The following RELN variants were observed in gnomAD, a reference collection of about 807,000 sequenced individuals.
The protein encoded by RELN is reelin.
In RELN, 108 loss-of-function variants were observed where a neutral mutation model predicts 427.6. The observed-to-expected ratio is 0.25, with a 90% CI of 0.22 to 0.30. The LOEUF (loss-of-function observed/expected upper bound fraction) is 0.30, where lower values mean the gene tolerates loss of function less well. Among genes scored for constraint, RELN ranks in the 10% least tolerant of loss-of-function variants. RELN has a pLI of 1.00. For missense variants in RELN, 3,715 were observed against 4,302.8 expected (o/e 0.86, Z 3.82); for synonymous variants, 1,524 against 1,513.4 (o/e 1.01, Z -0.16).
chr7:103,519,325 G>T lies in RELN; in HGVS notation c.7860C>A (p.Pro2620=). ...TAGATATCAAATCGAATACAAACCC[G>T]GGCTTACTGTACTGGTCATAGAAAA... ...MEIFYDQYSK[P]GFVNILLPPD... is the part of the protein sequence containing the mutation. The change falls in exon 49 of 65, where the codon CCC becomes CCA. Residue 2620 remains proline (P), a splice_region_variant and synonymous_variant. Transcript: ENST00000428762. 1.2e-6 allele frequency: 2 copies of T among 1,611,416 alleles called. No homozygotes were observed. The highest frequency in any genetic ancestry group is 1.7e-6 in the Non-Finnish European group (2 of 1,177,640).
At chr7:103,821,176 G>T (rs1007778836) in intron 3 of RELN, among the ~76,000 whole-genome samples, 1 of 152,128 alleles carries the variant, frequency 6.6e-6, no homozygotes, top group Non-Finnish European at 1.5e-5. Flanking sequence ...CTAGGAAAAT[G>T]AAGGAGGTTT....
At chr7:103,914,501 A>T (rs1795440313) in intron 2 of RELN, among the ~76,000 whole-genome samples, 2 of 152,036 alleles carry the variant, frequency 1.3e-5, no homozygotes, top group African/African-American at 4.8e-5. Flanking sequence ...TAAGCCCTGG[A>T]CTAAGGAAAT....
Position 103,772,818 on chromosome 7 carries a change from T to C in RELN, c.544+3739A>G, listed in dbSNP as rs917290210. On this transcript the variant is annotated intron_variant, in intron 4 of 64. Transcript: ENST00000428762. The stretch of plus-strand genomic sequence containing the variant: ...GTAGGAGAGGCAAACTGAAGCCAGA[T>C]TGTAAGGGATTTTCCTTGCATGTTG... 1.2e-4 allele frequency among the ~76,000 whole-genome samples: 18 copies of C among 152,220 alleles called. No individual in the cohort carries two copies. In the South Asian group the frequency reaches 2.3e-3, roughly 19 times the overall value.
chr7:103,536,179 A>G (rs1467023136), intron 45 of RELN, among the ~76,000 whole-genome samples: 1 of 152,176 alleles, frequency 6.6e-6, no homozygotes, highest in Non-Finnish European at 1.5e-5. Flanking sequence ...TAAAATATGG[A>G]AATCCAAGGG....
intron 10 of RELN, among the ~76,000 whole-genome samples, chr7:103,694,883 T>C (rs1833945752): frequency 2.0e-5 from 3 of 151,844 alleles, no homozygotes; most frequent in Admixed American, 2.0e-4. Flanking sequence ...CAGGCAAGTC[T>C]TAAACTTCTG....
Position 103,522,096 on chromosome 7 carries a change from G to A in RELN, c.7594C>T (p.Leu2532=). 6.2e-7 allele frequency: 1 copy of A among 1,614,094 alleles called. No homozygotes were observed. The highest frequency in any genetic ancestry group is 1.6e-4 in the Middle Eastern group (1 of 6,062). ...FNRAPSSQNW[L]TVNGGKLSTV... ...CTCAATTTCCCTCCGTTCACAGTCA[G>A]CCAGTTCTGACTGGATGGAGCTCGA... The change falls in exon 48 of 65, where the codon CTG becomes TTG. Residue 2532 remains leucine (L), a synonymous_variant. Transcript: ENST00000428762.
Position 103,742,531 on chromosome 7 carries a change from G to A in RELN, c.656+6895C>T, listed in dbSNP as rs189000671. Among the ~76,000 whole-genome samples, 149 of 152,244 alleles carry A rather than the reference G, an allele frequency of 9.8e-4. No homozygotes were observed. In the South Asian group the frequency reaches 0.012, roughly 12 times the overall value. On this transcript the variant is annotated intron_variant, in intron 6 of 64. Coordinates refer to ENST00000428762, the MANE Select transcript of RELN (RefSeq NM_005045.4). The stretch of plus-strand genomic sequence containing the variant: ...TAAAAGCTTTGAAAAAAAATCAGAC[G>A]AATGGATAACTAGAATAACCAATGC...
intron 2 of RELN, among the ~76,000 whole-genome samples, chr7:103,841,452 T>C (rs867755663): frequency 1.3e-5 from 2 of 152,170 alleles, no homozygotes; most frequent in African/African-American, 4.8e-5. Flanking sequence ...TTTATCCACA[T>C]TATACTTCAG....
intron 2 of RELN, among the ~76,000 whole-genome samples, chr7:103,856,159 C>T (rs1404751048): frequency 6.6e-6 from 1 of 152,156 alleles, no homozygotes; most frequent in Non-Finnish European, 1.5e-5. Flanking sequence ...TTCCTAAATA[C>T]TGTTTGATTT....
intron 24 of RELN, among the ~76,000 whole-genome samples, chr7:103,601,916 G>A (rs1831678546): frequency 6.6e-6 from 1 of 152,144 alleles, no homozygotes; most frequent in Non-Finnish European, 1.5e-5. Flanking sequence ...TAGGGAAGCT[G>A]ACTACTGCAA....
chr7:103,861,148 GTTA>G (rs1794063407), intron 2 of RELN, among the ~76,000 whole-genome samples: 1 of 152,034 alleles, frequency 6.6e-6, no homozygotes, highest in South Asian at 2.1e-4. Context: ...GATATACACA[GTTA>G]TTATCATTGA....
intron 2 of RELN, among the ~76,000 whole-genome samples, chr7:103,914,067 A>C (rs1795428849): frequency 6.6e-6 from 1 of 152,212 alleles, no homozygotes; most frequent in Non-Finnish European, 1.5e-5. Context: ...AATTCAGGCT[A>C]ATCAAAATAT....
intron 3 of RELN, among the ~76,000 whole-genome samples, chr7:103,783,122 C>T (rs1015095639): frequency 1.9e-4 from 29 of 151,012 alleles, no homozygotes; most frequent in Admixed American, 1.1e-3. Flanking sequence ...ATTCTTATCC[C>T]TTTGTATCAG....
intron 6 of RELN, among the ~76,000 whole-genome samples, chr7:103,728,819 T>C (rs1790279665): frequency 6.6e-6 from 1 of 152,142 alleles, no homozygotes; most frequent in Non-Finnish European, 1.5e-5. Flanking sequence ...AACAATGAAA[T>C]CAGATTGTAT....
intron 8 of RELN, among the ~76,000 whole-genome samples, chr7:103,718,076 T>C (rs1047260012): frequency 6.6e-6 from 1 of 152,158 alleles, no homozygotes; most frequent in African/African-American, 2.4e-5. Flanking sequence ...ACCAGATCTC[T>C]TTTCTTTCAC....
At chr7:103,811,263 C>T (rs1418572852) in intron 3 of RELN, among the ~76,000 whole-genome samples, 2 of 152,110 alleles carry the variant, frequency 1.3e-5, no homozygotes, top group Non-Finnish European at 2.9e-5. Flanking sequence ...AATAAATTGC[C>T]TGTATCTGAA....
chr7:103,732,208 G>A (rs535379442), intron 6 of RELN, among the ~76,000 whole-genome samples: 7 of 152,132 alleles, frequency 4.6e-5, no homozygotes, highest in South Asian at 2.1e-4. Context: ...TAGGGTCCTC[G>A]GGATAAGGGA....
chr7:103,918,070 A>G (rs1044087315), intron 1 of RELN, among the ~76,000 whole-genome samples: 2 of 152,170 alleles, frequency 1.3e-5, no homozygotes, highest in African/African-American at 4.8e-5. Flanking sequence ...GAGAATGACC[A>G]GAGTCACATT....
chr7:103,753,247 G>T (rs1291672010), intron 4 of RELN, 33 bp from the exon 5 acceptor site: 2 of 1,612,610 alleles, frequency 1.2e-6, no homozygotes, highest in South Asian at 2.2e-5. Flanking sequence ...AAAGACAACT[G>T]ATCAGGAATG....
Sources: allele counts gnomAD v4.1 joint callset (sites outside exome capture counted in the v4.1 genomes callset), GRCh38; gene constraint gnomAD v4.1.1; transcripts MANE v1.5; gene names NCBI Gene and HGNC (gene_info 2026-07-23, HGNC 2026-07-21).